The following SMAD2 variants were observed in gnomAD, a reference collection of about 807,000 sequenced individuals.
SMAD2 encodes SMAD family member 2.
In SMAD2, 8 loss-of-function variants were observed where a neutral mutation model predicts 64.4. The ratio of observed to expected loss-of-function variants is 0.12; its 90% CI spans 0.07 to 0.22. The LOEUF (loss-of-function observed/expected upper bound fraction) is 0.22, where lower values mean the gene tolerates loss of function less well. Ranked by LOEUF, SMAD2 falls within the 10% of genes least tolerant of loss-of-function variation. The pLI, the probability that SMAD2 is intolerant of heterozygous loss-of-function variation, is 1.00. For missense variants in SMAD2, 289 were observed against 561.2 expected (o/e 0.51, Z 4.90); for synonymous variants, 203 against 195.8 (o/e 1.04, Z -0.31).
rs1627974 is a variant in SMAD2, at chr18:47,817,081, A to G, written c.*24746T>C. ...CGGCCCATGACATGCGTATTTCTAC[A>G]GCAATGCTGTATTCCCAAATAGAGT... On this transcript the variant is annotated 3_prime_UTR_variant, in exon 11 of 11. Transcript: ENST00000262160. The G allele has an allele frequency of 0.58, 88,723 of 152,014 alleles. 26,236 individuals carry two copies. The highest frequency in any genetic ancestry group is 0.83 in the East Asian group (4,273 of 5,170). 9.4% of individuals were successfully genotyped at this position (152,014 alleles called of 1,614,324 possible). A position where few individuals can be genotyped will look rare whatever the true frequency, so the allele number is the denominator to read the frequency against.
intron 1 of SMAD2, among the ~76,000 whole-genome samples, chr18:47,927,756 A>G (rs1221075001): frequency 6.6e-6 from 1 of 152,096 alleles, no homozygotes; most frequent in Non-Finnish European, 1.5e-5. Flanking sequence ...AAAATCAGCC[A>G]GGCATGGTGG....
Position 47,897,027 on chromosome 18 carries a change from T to G in SMAD2, c.-53-218A>C, listed in dbSNP as rs578085206. On this transcript the variant is annotated intron_variant, in intron 1 of 10. Transcript: ENST00000262160. ...AAGAATGTTGTAAGGACTCCTCTTGTGGGAAAATACAGTAATTTTGCAAGT... is the reference window on the plus strand; with the variant it reads ...AAGAATGTTGTAAGGACTCCTCTTGGGGGAAAATACAGTAATTTTGCAAGT... Among the ~76,000 whole-genome samples the G allele has an allele frequency of 3.9e-5, 6 of 152,322 alleles. No homozygotes were observed. In the South Asian group the frequency reaches 1.2e-3, roughly 32 times the overall value.
At chr18:47,863,047 T>C (rs2031302826) in intron 6 of SMAD2, among the ~76,000 whole-genome samples, 1 of 152,132 alleles carries the variant, frequency 6.6e-6, no homozygotes, top group Non-Finnish European at 1.5e-5. Context: ...TTATGCCTAA[T>C]TTATCCTCTG....
chr18:47,893,817 A>AT (rs1289198321), intron 2 of SMAD2, among the ~76,000 whole-genome samples: 5 of 152,198 alleles, frequency 3.3e-5, no homozygotes, highest in Non-Finnish European at 7.3e-5. Flanking sequence ...TTGATAGACC[A>AT]TGATCAATAA....
In SMAD2 at chr18:47,839,426, T is replaced by G. The variant is rs982625008; in HGVS notation, c.*2401A>C. 8.6e-6 allele frequency: 2 copies of G among 233,222 alleles called. No individual in the cohort carries two copies. The highest frequency in any genetic ancestry group is 2.2e-5 in the African/African-American group (1 of 45,332). 14.4% of individuals were successfully genotyped at this position (233,222 alleles called of 1,614,324 possible). ...TCTCCTACAGGCCTGATAGTGGTATTACCTAGGACATTTACTCTGCTCACA... is the reference window on the plus strand; with the variant it reads ...TCTCCTACAGGCCTGATAGTGGTATGACCTAGGACATTTACTCTGCTCACA... On this transcript the variant is annotated 3_prime_UTR_variant, in exon 11 of 11. Transcript: ENST00000262160.
At chr18:47,881,224 G>A (rs952552979) in intron 2 of SMAD2, among the ~76,000 whole-genome samples, 1 of 152,142 alleles carries the variant, frequency 6.6e-6, no homozygotes, top group Admixed American at 6.6e-5. Context: ...AGTCTGGTAA[G>A]AGCATACCTG....
intron 1 of SMAD2, among the ~76,000 whole-genome samples, chr18:47,929,457 TTTA>T (rs2034908168): frequency 6.6e-6 from 1 of 152,250 alleles, no homozygotes; most frequent in Non-Finnish European, 1.5e-5. Flanking sequence ...AAGTTATTTA[TTTA>T]TTAACAATTA....
At chr18:47,853,708 A>G (rs936088032) in intron 6 of SMAD2, among the ~76,000 whole-genome samples, 1 of 152,154 alleles carries the variant, frequency 6.6e-6, no homozygotes, top group Admixed American at 6.5e-5. Context: ...CTTCCACAAC[A>G]TAATTAAGTT....
chr18:47,871,170 GA>G (rs2031910617), intron 2 of SMAD2, among the ~76,000 whole-genome samples: 1 of 152,126 alleles, frequency 6.6e-6, no homozygotes. Context: ...GCAGCTCAGA[GA>G]TAATTCTCCC....
chr18:47,905,784 T>G (rs760622504), intron 1 of SMAD2, among the ~76,000 whole-genome samples: 1 of 152,156 alleles, frequency 6.6e-6, no homozygotes, highest in Non-Finnish European at 1.5e-5. Context: ...AATACATTCA[T>G]GACCTTAAAA....
At chr18:47,926,444 T>C (rs2034766573) in intron 1 of SMAD2, among the ~76,000 whole-genome samples, 1 of 152,190 alleles carries the variant, frequency 6.6e-6, no homozygotes, top group African/African-American at 2.4e-5. Context: ...ATTATCTCTA[T>C]TATCCTCACC....
chr18:47,927,783 C>T (rs2034825192), intron 1 of SMAD2, among the ~76,000 whole-genome samples: 1 of 152,136 alleles, frequency 6.6e-6, no homozygotes, highest in Non-Finnish European at 1.5e-5. Flanking sequence ...CCTGTAATCC[C>T]AGCTACTCAG....
rs1006665289 is a variant in SMAD2, at chr18:47,814,755, C to G, written c.*27072G>C. 9 of 152,264 alleles carry G rather than the reference C, an allele frequency of 5.9e-5. No homozygotes were observed. Among genetic ancestry groups the G allele is most frequent in the African/African-American group, 2.2e-4 (9 of 41,442 alleles). 9.4% of individuals were successfully genotyped at this position (152,264 alleles called of 1,614,324 possible). A position where few individuals can be genotyped will look rare whatever the true frequency, so the allele number is the denominator to read the frequency against. Reference sequence around the variant, plus strand: ...GCATTGGTGGAAGGAGGTGTCTAGTCAGTCTGAGAAAATGTTGGCTTCCCA... The same window carrying G: ...GCATTGGTGGAAGGAGGTGTCTAGTGAGTCTGAGAAAATGTTGGCTTCCCA... On this transcript the variant is annotated 3_prime_UTR_variant, in exon 11 of 11. Coordinates refer to ENST00000262160, the MANE Select transcript of SMAD2 (RefSeq NM_005901.6).
At chr18:47,861,217 G>T (rs1456637897) in intron 6 of SMAD2, among the ~76,000 whole-genome samples, 1 of 152,056 alleles carries the variant, frequency 6.6e-6, no homozygotes, top group Admixed American at 6.6e-5. Context: ...TAAGCTGGGC[G>T]TGGTAGTGCA....
In SMAD2 at chr18:47,830,971, C is replaced by T. The variant is rs1221281237; in HGVS notation, c.*10856G>A. On this transcript the variant is annotated 3_prime_UTR_variant, in exon 11 of 11. Coordinates refer to ENST00000262160, the MANE Select transcript of SMAD2 (RefSeq NM_005901.6). ...AAGTTTCACTTAATACACACACACA[C>T]ACTAGGGTTTATATGTAGCAACTTC... 6.6e-6 allele frequency: 1 copy of T among 152,380 alleles called. No homozygotes were observed. Among genetic ancestry groups the T allele is most frequent in the Non-Finnish European group, 1.5e-5 (1 of 68,188 alleles). 9.4% of individuals were successfully genotyped at this position (152,380 alleles called of 1,614,324 possible).
intron 6 of SMAD2, among the ~76,000 whole-genome samples, chr18:47,855,784 G>A (rs542155216): frequency 2.6e-5 from 4 of 152,106 alleles, no homozygotes; most frequent in African/African-American, 9.6e-5. Context: ...AACACACCCG[G>A]CTAATTTCAG....
chr18:47,923,681 TCAA>T (rs2034650906), intron 1 of SMAD2: 1 of 152,194 alleles, frequency 6.6e-6, no homozygotes, highest in African/African-American at 2.4e-5. Context: ...AGGCAGGACT[TCAA>T]CAACTGCCTA....
rs958346757 is a variant in SMAD2 at position 47,925,373 on chromosome 18, A to G, written c.-54+4988T>C. 2.6e-5 allele frequency among the ~76,000 whole-genome samples: 4 copies of G among 152,222 alleles called. No homozygotes were observed. The East Asian group carries it at 5.8e-4, about 22-fold the overall frequency. On this transcript the variant is annotated intron_variant, in intron 1 of 10. Transcript: ENST00000262160. Reference sequence around the variant, plus strand: ...TCCTATCAATGTGCCTCAGTTACAAATAAGAGGAACCCACTGAGCCAAGGA... The same window carrying G: ...TCCTATCAATGTGCCTCAGTTACAAGTAAGAGGAACCCACTGAGCCAAGGA...
rs886500871 is a variant in SMAD2 at position 47,823,179 on chromosome 18, T to C, written c.*18648A>G. 3.3e-5 allele frequency: 5 copies of C among 152,164 alleles called. No individual in the cohort carries two copies. The highest frequency in any genetic ancestry group is 1.2e-4 in the African/African-American group (5 of 41,438). The allele number at this position is 152,164 out of a possible 1,614,324, so 9.4% of individuals were successfully genotyped here. ...TTACACTGAATTAAAAATTATCATT[T>C]CCTGGCAGGCCCAGGAACCTTAAAA... On this transcript the variant is annotated 3_prime_UTR_variant, in exon 11 of 11. Coordinates refer to ENST00000262160, the MANE Select transcript of SMAD2 (RefSeq NM_005901.6).
Sources: allele counts gnomAD v4.1 joint callset (sites outside exome capture counted in the v4.1 genomes callset), GRCh38; gene constraint gnomAD v4.1.1; transcripts MANE v1.5; gene names NCBI Gene and HGNC (gene_info 2026-07-23, HGNC 2026-07-21).